The following PPM1A variants were observed in gnomAD, a reference collection of about 807,000 sequenced individuals.
PPM1A encodes protein phosphatase 1A.
In PPM1A, 7 loss-of-function variants were observed where a neutral mutation model predicts 35.0. The observed-to-expected ratio is 0.20, with a 90% CI of 0.11 to 0.38. PPM1A has a LOEUF of 0.38. Among genes scored for constraint, PPM1A ranks in the 10% least tolerant of loss-of-function variants. The pLI is 1.00. For missense variants in PPM1A, 239 were observed against 467.8 expected, an observed-to-expected ratio of 0.51 and a Z score of 4.51; for synonymous variants, 153 against 167.3, an observed-to-expected ratio of 0.91 and a Z score of 0.66.
At chr14:60,290,224 A>T (rs1887488503) in intron 4 of PPM1A, among the ~76,000 whole-genome samples, 2 of 152,158 alleles carry the variant, frequency 1.3e-5, no homozygotes, top group Admixed American at 6.5e-5. Context: ...GCACTACATA[A>T]AAATTTACAA....
chr14:60,267,603 A>G (rs1039179437), intron 1 of PPM1A, among the ~76,000 whole-genome samples: 15 of 152,142 alleles, frequency 9.9e-5, no homozygotes, highest in Admixed American at 5.9e-4. Flanking sequence ...CCTGTAATCT[A>G]TAGATAACTT....
At chr14:60,274,441 G>GC (rs1283566802) in intron 1 of PPM1A, among the ~76,000 whole-genome samples, 1 of 151,934 alleles carries the variant, frequency 6.6e-6, no homozygotes, top group African/African-American at 2.4e-5. Context: ...TTTTTAATGG[G>GC]TAACATGGGT....
intron 1 of PPM1A, among the ~76,000 whole-genome samples, chr14:60,264,758 T>A (rs1315416820): frequency 1.3e-5 from 2 of 152,208 alleles, no homozygotes; most frequent in Admixed American, 6.5e-5. Context: ...ATTCACACTT[T>A]GACTTTGTCC....
intron 4 of PPM1A, among the ~76,000 whole-genome samples, 188 bp downstream of exon 4, chr14:60,290,102 G>A (rs553611203): frequency 6.6e-6 from 1 of 152,200 alleles, no homozygotes; most frequent in South Asian, 2.1e-4. Context: ...CAGTATCATT[G>A]TAACTAATTG....
rs202012629 is a variant in PPM1A at position 60,292,422 on chromosome 14, G to C, written c.1120-31G>C. On this transcript the variant is annotated intron_variant, in intron 5 of 5. Coordinates refer to ENST00000395076, the MANE Select transcript of PPM1A (RefSeq NM_021003.5). The surrounding 1 kb of genome is among the most constrained non-coding windows in gnomAD (Gnocchi z 4.2). ...TATTTTGGCACCGCTAAATTTTAAC[G>C]TTGTTCCTTATTTTGCTTCCTTTTA... is the stretch of plus-strand genomic sequence containing the variant. 1 of 1,560,938 alleles carries C rather than the reference G, an allele frequency of 6.4e-7. No homozygotes were observed. Among genetic ancestry groups the C allele is most frequent in the Admixed American group, 1.7e-5 (1 of 59,430 alleles).
rs1172118587 is a variant in PPM1A at position 60,295,901 on chromosome 14, T to A, written c.*3419T>A. On this transcript the variant is annotated 3_prime_UTR_variant, in exon 6 of 6. Coordinates refer to ENST00000395076, the MANE Select transcript of PPM1A (RefSeq NM_021003.5). ...CCAGTTTATTTTCTTCTCTCTAAAG[T>A]TAAAGAGTAATTCAGAAGAAAATTT... 1 of 151,650 alleles carries A rather than the reference T, an allele frequency of 6.6e-6. No individual in the cohort carries two copies. The highest frequency in any genetic ancestry group is 1.5e-5 in the Non-Finnish European group (1 of 67,656). 9.4% of individuals were successfully genotyped at this position (151,650 alleles called of 1,614,324 possible). A position where few individuals can be genotyped will look rare whatever the true frequency, so the allele number is the denominator to read the frequency against.
In PPM1A at chr14:60,249,361, G is replaced by T. The variant is rs1882037119; in HGVS notation, c.-337G>T. ...CTCCGGAACGGGTGGTTGGGGAGGG[G>T]GGGGTGGGGGGACTCTAGACAGCTG... On this transcript the variant is annotated 5_prime_UTR_variant, in exon 1 of 6. Transcript: ENST00000395076. The surrounding 1 kb of genome is among the most constrained non-coding windows in gnomAD (Gnocchi z 4.5). The T allele has an allele frequency of 2.0e-6, 2 of 981,740 alleles. No homozygotes were observed. Among genetic ancestry groups the T allele is most frequent in the African/African-American group, 1.8e-5 (1 of 57,000 alleles). The allele number at this position is 981,740 out of a possible 1,614,324, so 60.8% of individuals were successfully genotyped here.
chr14:60,277,122 C>T, intron 1 of PPM1A: 1 of 963,762 alleles, frequency 1.0e-6, no homozygotes, highest in Non-Finnish European at 1.3e-6. Flanking sequence ...CAGAAACTAA[C>T]TAAAAACTTT....
At chr14:60,269,954 C>T (rs530434129) in intron 1 of PPM1A, among the ~76,000 whole-genome samples, 28 of 152,322 alleles carry the variant, frequency 1.8e-4, no homozygotes, top group African/African-American at 5.3e-4. Context: ...ACTTGATAAA[C>T]GCCATTCAAT....
chr14:60,257,381 G>A (rs1883256012), intron 1 of PPM1A, among the ~76,000 whole-genome samples: 1 of 152,050 alleles, frequency 6.6e-6, no homozygotes, highest in Non-Finnish European at 1.5e-5. Context: ...AATTTTTATA[G>A]TCTCCCTGTT....
At chr14:60,270,554 G>C (rs1318774644) in intron 1 of PPM1A, among the ~76,000 whole-genome samples, 1 of 151,908 alleles carries the variant, frequency 6.6e-6, no homozygotes, top group Non-Finnish European at 1.5e-5. Flanking sequence ...CATTATACTA[G>C]GATACCATTA....
chr14:60,259,352 C>T (rs1331077880), intron 1 of PPM1A, among the ~76,000 whole-genome samples: 1 of 151,798 alleles, frequency 6.6e-6, no homozygotes, highest in Non-Finnish European at 1.5e-5. Context: ...TATATTTTTC[C>T]TTTCTTTCAA....
At chr14:60,284,683 G>A (rs1043087437) in intron 2 of PPM1A, among the ~76,000 whole-genome samples, 28 of 132,478 alleles carry the variant, frequency 2.1e-4, no homozygotes, top group African/African-American at 4.5e-4. Context: ...ATGAGCGTAT[G>A]TATATATATA....
In PPM1A at chr14:60,298,613, T is replaced by C. The variant is rs1434439489; in HGVS notation, c.*6131T>C. On this transcript the variant is annotated 3_prime_UTR_variant, in exon 6 of 6. Coordinates refer to ENST00000395076, the MANE Select transcript of PPM1A (RefSeq NM_021003.5). ...TAAATAGCATATCTGCAGGAAAATA[T>C]CTTGTTTGTAGTGATATGCCCCAAT... 2 of 151,768 alleles carry C rather than the reference T, an allele frequency of 1.3e-5. No homozygotes were observed. The highest frequency in any genetic ancestry group is 1.5e-5 in the Non-Finnish European group (1 of 67,744). 9.4% of individuals were successfully genotyped at this position (151,768 alleles called of 1,614,324 possible).
upstream of PPM1A, among the ~76,000 whole-genome samples, chr14:60,248,958 C>G (rs986536845): frequency 6.6e-6 from 1 of 152,198 alleles, no homozygotes; most frequent in Non-Finnish European, 1.5e-5. Context: ...CCTTCGGCTT[C>G]GGCCTGGTGC....
chr14:60,285,649 T>C lies in PPM1A; in HGVS notation c.860T>C (p.Ile287Thr). The C allele has an allele frequency of 6.2e-7, 1 of 1,613,900 alleles. No individual in the cohort carries two copies. Among genetic ancestry groups the C allele is most frequent in the Non-Finnish European group, 8.5e-7 (1 of 1,179,886 alleles). ...YKGSRDNMSV[I>T]LICFPNAPKV... Reference sequence around the variant, plus strand: ...GGAAGTCGAGACAACATGAGTGTGATTTTGATCTGTTTTCCAAATGCACCC... The same window carrying C: ...GGAAGTCGAGACAACATGAGTGTGACTTTGATCTGTTTTCCAAATGCACCC... The change falls in exon 3 of 6, where the codon ATT (isoleucine) becomes ACT (threonine). Residue 287 changes from isoleucine to threonine, a missense_variant. Around this residue, in one of 2 missense-constraint regions of PPM1A, gnomAD observed 175 missense variants for 389.2 expected, o/e 0.45. Coordinates refer to ENST00000395076, the MANE Select transcript of PPM1A (RefSeq NM_021003.5).
upstream of PPM1A, among the ~76,000 whole-genome samples, chr14:60,248,103 T>G (rs1368803152): frequency 2.0e-5 from 3 of 152,228 alleles, no homozygotes; most frequent in East Asian, 5.8e-4. Flanking sequence ...GTGCTGGTGA[T>G]GTACTGCTCC....
At position 60,298,313 on chromosome 14, in the gene PPM1A, T is replaced by C. The variant is rs1888213323; in HGVS notation, c.*5831T>C. 6.6e-6 allele frequency: 1 copy of C among 151,734 alleles called. No homozygotes were observed. Among genetic ancestry groups the C allele is most frequent in the South Asian group, 2.1e-4 (1 of 4,828 alleles). The allele number at this position is 151,734 out of a possible 1,614,324, so 9.4% of individuals were successfully genotyped here. On this transcript the variant is annotated 3_prime_UTR_variant, in exon 6 of 6. Coordinates refer to ENST00000395076, the MANE Select transcript of PPM1A (RefSeq NM_021003.5). ...GGTTTTAAGATTTTGAGCTTTCTAG[T>C]ATTAGGATTCATTAAATGTTCAATT... is the stretch of plus-strand genomic sequence containing the variant.
chr14:60,287,577 T>G, intron 3 of PPM1A: 1 of 985,334 alleles, frequency 1.0e-6, no homozygotes, highest in South Asian at 4.7e-5. Flanking sequence ...TCTTCTTTCT[T>G]TAAATACATG....
Sources: allele counts gnomAD v4.1 joint callset (sites outside exome capture counted in the v4.1 genomes callset), GRCh38; gene constraint gnomAD v4.1.1; regional missense constraint gnomAD v4.1.1; non-coding constraint Gnocchi (gnomAD v3.1); transcripts MANE v1.5; gene names NCBI Gene and HGNC (gene_info 2026-07-23, HGNC 2026-07-21).